The following CCR6 variants were observed in gnomAD, a reference collection of about 807,000 sequenced individuals.
CCR6 encodes the protein C-C motif chemokine receptor 6.
In CCR6, 2 loss-of-function variants were observed where a neutral mutation model predicts 3.0. The observed-to-expected ratio is 0.66, with a 90% CI of 0.27 to 2.07. CCR6 has a LOEUF of 2.07. CCR6 is among the 30% of genes most tolerant of loss of function. The pLI, the probability that CCR6 is intolerant of heterozygous loss-of-function variation, is 0.14. For synonymous variants in CCR6, 193 were observed against 184.3 expected, an observed-to-expected ratio of 1.05 and a Z score of -0.38; for missense variants, 322 against 462.8, an observed-to-expected ratio of 0.70 and a Z score of 2.79.
At chr6:167,127,652 C>T (rs1045134548) in intron 1 of CCR6, among the ~76,000 whole-genome samples, 1 of 152,162 alleles carries the variant, frequency 6.6e-6, no homozygotes, top group Non-Finnish European at 1.5e-5. Context: ...TAATGTCAAA[C>T]TTTACTAATG....
upstream of CCR6, among the ~76,000 whole-genome samples, chr6:167,117,944 G>GTTTTTTTTTTTTTTT: frequency 7.2e-6 from 1 of 139,352 alleles, no homozygotes; most frequent in Non-Finnish European, 1.6e-5. Flanking sequence ...GCACTTTTCT[G>GTTTTTTTTTTTTTTT]TTTTTTTTTT....
intron 1 of CCR6, among the ~76,000 whole-genome samples, chr6:167,130,992 C>CCCCTCCCTCCGGGACT (rs1562559675): frequency 0.053 from 6,270 of 118,076 alleles, 764 homozygotes; most frequent in African/African-American, 0.098. Context: ...CCTCTGGACC[C>CCCCTCCCTCCGGGACT]CCTCCCTTTG....
At chr6:167,113,441 CAGAG>C (rs1305566800) in intron 1 of CCR6, among the ~76,000 whole-genome samples, 2 of 152,198 alleles carry the variant, frequency 1.3e-5, no homozygotes, top group African/African-American at 4.8e-5. Flanking sequence ...CCCCAAAACA[CAGAG>C]AGGGCAACTC....
chr6:167,133,173 TTA>T lies in CCR6; in HGVS notation c.-97-2860_-97-2859del, dbSNP rs749298620. Reference sequence around the variant, plus strand: ...TTTTACAGTTCATTCTTTTTGCAATTTATATAAGAAGCTTCTTTTTCCAGGGT... The same window carrying T: ...TTTTACAGTTCATTCTTTTTGCAATTTATAAGAAGCTTCTTTTTCCAGGGT... On this transcript the variant is annotated intron_variant, in intron 1 of 2. Coordinates refer to ENST00000341935, the MANE Select transcript of CCR6 (RefSeq NM_031409.4). Among the ~76,000 whole-genome samples, 11 of 152,192 alleles carry T rather than the reference TTA, an allele frequency of 7.2e-5. No individual in the cohort carries two copies. In the East Asian group the frequency reaches 1.7e-3, roughly 24 times the overall value.
In CCR6 at chr6:167,126,801, C is replaced by T. The variant is rs192584363; in HGVS notation, c.-98+3578C>T. On this transcript the variant is annotated intron_variant, in intron 1 of 2. Coordinates refer to ENST00000341935, the MANE Select transcript of CCR6 (RefSeq NM_031409.4). ...GAATCATGGGGCAGTATCCTGTTCT[C>T]GTGATAGTGAGTGAGTTCTCACGGG... Among the ~76,000 whole-genome samples the T allele has an allele frequency of 2.5e-4, 38 of 152,312 alleles. No individual in the cohort carries two copies. In the East Asian group the frequency reaches 6.8e-3, roughly 27 times the overall value.
In CCR6 at chr6:167,137,222, T is replaced by G. The variant is rs1781863063; in HGVS notation, c.992T>G (p.Leu331Trp). The G allele has an allele frequency of 1.2e-6, 2 of 1,614,182 alleles. No homozygotes were observed. The highest frequency in any genetic ancestry group is 1.7e-6 in the Non-Finnish European group (2 of 1,180,028). Residue 331 changes from leucine (L) to tryptophan (W), a missense_variant, in exon 3 of 3, where the codon TTG becomes TGG. Leu to Trp is a moderately conservative substitution (Grantham distance 61). Transcript: ENST00000341935. This position sits in a 1 kb window ranked among gnomAD's most constrained non-coding sequence, Gnocchi z 4.6. ...QKFRNYFLKI[L>W]KDLWCVRRKY... Reference sequence around the variant, plus strand: ...TTCAGAAACTACTTTCTGAAGATCTTGAAGGACCTGTGGTGTGTGAGAAGG... The same window carrying G: ...TTCAGAAACTACTTTCTGAAGATCTGGAAGGACCTGTGGTGTGTGAGAAGG...
At chr6:167,111,815 G>C (rs1012656) in exon 1 of CCR6, 61,828 of 152,282 alleles carry the variant, frequency 0.41, 13,695 homozygotes, top group Admixed American at 0.51. Flanking sequence ...CCAGTGTATG[G>C]GTGAAGGAGG....
chr6:167,126,458 C>T (rs1188037515), intron 1 of CCR6: 4 of 152,332 alleles, frequency 2.6e-5, no homozygotes, highest in South Asian at 2.1e-4. Context: ...ACCAGCACAC[C>T]GTCTAAAGAT....
At chr6:167,126,892 T>A (rs1398524513) in intron 1 of CCR6, among the ~76,000 whole-genome samples, 2 of 152,212 alleles carry the variant, frequency 1.3e-5, no homozygotes, top group Non-Finnish European at 2.9e-5. Context: ...CCTGCCATCA[T>A]GTGAAGAAGG....
upstream of CCR6, among the ~76,000 whole-genome samples, chr6:167,122,035 C>G (rs1319112775): frequency 6.6e-6 from 1 of 152,108 alleles, no homozygotes; most frequent in Non-Finnish European, 1.5e-5. This position sits in a 1 kb window ranked among gnomAD's most constrained non-coding sequence, Gnocchi z 4.2. Flanking sequence ...GGGGTGCGCT[C>G]CAGCTTCTCA....
At chr6:167,122,192 A>G (rs1781599974), upstream of CCR6, among the ~76,000 whole-genome samples, 1 of 152,120 alleles carries the variant, frequency 6.6e-6, no homozygotes, top group Non-Finnish European at 1.5e-5. The surrounding 1 kb of genome is among the most constrained non-coding windows in gnomAD (Gnocchi z 4.2). Context: ...GTGCACTGGG[A>G]AGTGGAGAAA....
At chr6:167,117,984 A>G (rs999822386), upstream of CCR6, among the ~76,000 whole-genome samples, 1 of 140,596 alleles carries the variant, frequency 7.1e-6, no homozygotes, top group African/African-American at 2.6e-5. Context: ...CTGTACTAAT[A>G]TTTTAGGACC....
intron 1 of CCR6, among the ~76,000 whole-genome samples, chr6:167,133,726 A>C (rs892141691): frequency 6.6e-6 from 1 of 151,638 alleles, no homozygotes; most frequent in Non-Finnish European, 1.5e-5. Flanking sequence ...AATCTTTGAT[A>C]AATTTGAACA....
intron 1 of CCR6, among the ~76,000 whole-genome samples, chr6:167,132,486 G>A (rs1781783964): frequency 6.6e-6 from 1 of 152,082 alleles, no homozygotes; most frequent in Non-Finnish European, 1.5e-5. Flanking sequence ...CCAGCCCCCT[G>A]TTTAATCTTA....
intron 1 of CCR6, among the ~76,000 whole-genome samples, chr6:167,128,352 C>T (rs555828531): frequency 2.0e-5 from 3 of 152,320 alleles, no homozygotes; most frequent in South Asian, 2.1e-4. Context: ...GGTGCCTCCG[C>T]GCTCTATCTA....
intron 1 of CCR6, among the ~76,000 whole-genome samples, chr6:167,126,995 A>T (rs1429781729): frequency 6.6e-6 from 1 of 152,146 alleles, no homozygotes; most frequent in African/African-American, 2.4e-5. Flanking sequence ...TTCCTTTATA[A>T]ATTACTCAGT....
At chr6:167,132,358 G>T (rs1276915056) in intron 1 of CCR6, among the ~76,000 whole-genome samples, 1 of 152,172 alleles carries the variant, frequency 6.6e-6, no homozygotes. Context: ...TCCCATGGTG[G>T]ATGCATGTTC....
intron 1 of CCR6, among the ~76,000 whole-genome samples, chr6:167,124,014 A>G (rs1268448270): frequency 6.6e-6 from 1 of 152,202 alleles, no homozygotes; most frequent in Non-Finnish European, 1.5e-5. Context: ...TGGGAGGCTG[A>G]GGCAGGAGAA....
chr6:167,136,400 G>C lies in CCR6; in HGVS notation c.170G>C (p.Cys57Ser). 1 of 1,614,028 alleles carries C rather than the reference G, an allele frequency of 6.2e-7. No homozygotes were observed. Among genetic ancestry groups the C allele is most frequent in the Non-Finnish European group, 8.5e-7 (1 of 1,179,994 alleles). Residue 57 changes from cysteine to serine, a missense_variant, in exon 3 of 3, where the codon TGT (cysteine) becomes TCT (serine). By Grantham distance (112) the Cys-to-Ser change is moderately radical. Transcript: ENST00000341935. This position sits in a 1 kb window ranked among gnomAD's most constrained non-coding sequence, Gnocchi z 4.6. ...LFVPIAYSLI[C>S]VFGLLGNILV... ...GTACCGATTGCCTACTCCTTGATCT[G>C]TGTCTTTGGCCTCCTGGGGAATATT...
Sources: allele counts gnomAD v4.1 joint callset (sites outside exome capture counted in the v4.1 genomes callset), GRCh38; gene constraint gnomAD v4.1.1; non-coding constraint Gnocchi (gnomAD v3.1); transcripts MANE v1.5; gene names NCBI Gene and HGNC (gene_info 2026-07-23, HGNC 2026-07-21).